TEAD4: variants seen among roughly 807,000 people sequenced by gnomAD.
TEAD4 encodes the protein transcriptional enhancer factor TEF-3.
A neutral mutation model predicts 52.4 loss-of-function variants in TEAD4; 36 were observed. That is an observed-to-expected ratio of 0.69 (90% confidence interval 0.53 to 0.91). TEAD4 has a LOEUF of 0.91. Ranked by LOEUF, TEAD4 falls within the 40% of genes least tolerant of loss-of-function variation. The pLI is 0.00. For missense variants in TEAD4, 508 were observed against 583.9 expected, an observed-to-expected ratio of 0.87 and a Z score of 1.34; for synonymous variants, 220 against 231.0, an observed-to-expected ratio of 0.95 and a Z score of 0.43.
rs373435603 is a variant in TEAD4, at chr12:3,000,173, A to C, written c.226+5181A>C. 9.8e-5 allele frequency among the ~76,000 whole-genome samples: 15 copies of C among 152,310 alleles called. No homozygotes were observed. The East Asian group carries it at 2.3e-3, about 24-fold the overall frequency. On this transcript the variant is annotated intron_variant, in intron 3 of 12. Coordinates refer to ENST00000359864, the MANE Select transcript of TEAD4 (RefSeq NM_003213.4). ...TGGACAGTTAGCCACCCAAGCAGAC[A>C]CTGGGGTTGTCCACAGCCGATATTA...
intron 10 of TEAD4, among the ~76,000 whole-genome samples, chr12:3,035,285 G>A (rs747340535): frequency 1.2e-4 from 18 of 152,266 alleles, no homozygotes; most frequent in Non-Finnish European, 2.4e-4. Context: ...GACCATGCGC[G>A]GTTAAAATCT....
At chr12:2,993,879 G>A (rs1309657750) in intron 2 of TEAD4, among the ~76,000 whole-genome samples, 1 of 152,210 alleles carries the variant, frequency 6.6e-6, no homozygotes, top group Non-Finnish European at 1.5e-5. Context: ...AGGTCCGTCT[G>A]TGCTGCAGCA....
chr12:3,040,104 C>A lies in TEAD4; in HGVS notation c.1039-3C>A, dbSNP rs1219560365. 6.2e-7 allele frequency: 1 copy of A among 1,613,906 alleles called. No individual in the cohort carries two copies. Among genetic ancestry groups the A allele is most frequent in the Non-Finnish European group, 8.5e-7 (1 of 1,179,914 alleles). The stretch of plus-strand genomic sequence containing the variant: ...AAGCCCCTGCTCTCCCCGGGTCCTG[C>A]AGACAGAGTATGCTCGCTATGAGAA... On this transcript the variant is annotated splice_polypyrimidine_tract_variant and splice_region_variant and intron_variant, in intron 11 of 12. Coordinates refer to ENST00000359864, the MANE Select transcript of TEAD4 (RefSeq NM_003213.4).
intron 2 of TEAD4, among the ~76,000 whole-genome samples, chr12:2,985,308 C>T (rs2098237249): frequency 6.6e-6 from 1 of 151,302 alleles, no homozygotes; most frequent in Admixed American, 6.6e-5. Flanking sequence ...TGGCATGAGC[C>T]TGGGAGGTGG....
chr12:2,974,126 C>T (rs1384119616), intron 2 of TEAD4, among the ~76,000 whole-genome samples: 2 of 152,084 alleles, frequency 1.3e-5, no homozygotes, highest in Non-Finnish European at 2.9e-5. Flanking sequence ...CTTAGCCTCC[C>T]GAGTAGCTGG....
chr12:2,995,551 C>G (rs1050108594), intron 3 of TEAD4, among the ~76,000 whole-genome samples: 1 of 152,050 alleles, frequency 6.6e-6, no homozygotes, highest in East Asian at 1.9e-4. Context: ...TAGGAAAGGC[C>G]CCCCCCAACC....
chr12:3,032,625 G>T (rs1213584922), intron 10 of TEAD4, among the ~76,000 whole-genome samples: 1 of 152,236 alleles, frequency 6.6e-6, no homozygotes, highest in African/African-American at 2.4e-5. Flanking sequence ...CAGGGGCTGT[G>T]TCGCTGAAGA....
At chr12:3,003,350 A>G (rs1653669789) in intron 3 of TEAD4, among the ~76,000 whole-genome samples, 1 of 152,142 alleles carries the variant, frequency 6.6e-6, no homozygotes, top group Admixed American at 6.5e-5. Context: ...TGCGTGCTTT[A>G]CTTACTCCAT....
chr12:2,971,405 G>A (rs910676228), intron 2 of TEAD4, among the ~76,000 whole-genome samples: 2 of 152,162 alleles, frequency 1.3e-5, no homozygotes, highest in Admixed American at 6.6e-5. Context: ...TTGTCATGAA[G>A]TGATGAGAGG....
At chr12:3,013,627 G>A (rs1037838129) in intron 5 of TEAD4, among the ~76,000 whole-genome samples, 4 of 152,250 alleles carry the variant, frequency 2.6e-5, no homozygotes, top group South Asian at 4.1e-4. Flanking sequence ...CCAGCTACTC[G>A]GGAGGCTGAG....
intron 5 of TEAD4, among the ~76,000 whole-genome samples, chr12:3,014,917 G>T (rs953642915): frequency 1.1e-4 from 17 of 152,228 alleles, no homozygotes; most frequent in African/African-American, 3.4e-4. Flanking sequence ...CTTCGGGCTC[G>T]CAAGGGTGCG....
intron 5 of TEAD4, among the ~76,000 whole-genome samples, chr12:3,016,016 A>C (rs148162114): frequency 1.7e-4 from 26 of 151,608 alleles, no homozygotes; most frequent in East Asian, 3.9e-4. Flanking sequence ...AAAAAATAAT[A>C]ATCATCATAA....
intron 2 of TEAD4, among the ~76,000 whole-genome samples, chr12:2,992,315 G>A (rs560606698): frequency 4.6e-5 from 7 of 151,980 alleles, no homozygotes; most frequent in East Asian, 1.9e-4. Flanking sequence ...CACTGCGCCC[G>A]GCTGGTTCCT....
chr12:2,992,416 G>A (rs2098243883), intron 2 of TEAD4, among the ~76,000 whole-genome samples: 1 of 152,052 alleles, frequency 6.6e-6, no homozygotes, highest in African/African-American at 2.4e-5. Flanking sequence ...CTCCTGGGAT[G>A]TGCCTCCCAC....
intron 7 of TEAD4, 84 bp downstream of exon 7, chr12:3,018,672 C>T (rs902520197): frequency 2.0e-5 from 31 of 1,581,786 alleles, no homozygotes; most frequent in Non-Finnish European, 2.6e-5. Context: ...AGCCTGGGCC[C>T]CAGGGTGTGC....
chr12:3,017,471 C>T lies in TEAD4; in HGVS notation c.428C>T (p.Ala143Val). ...TCTGCACAGATCATCTCCGCCACGGCCTTCCACAGTAGCATGGCCCTCGCC... is the reference window on the plus strand; with the variant it reads ...TCTGCACAGATCATCTCCGCCACGGTCTTCCACAGTAGCATGGCCCTCGCC... Residue 143 changes from alanine (A) to valine (V), a missense_variant, in exon 6 of 13, where the codon GCC (alanine) becomes GTC (valine). Ala to Val is a moderately conservative substitution (Grantham distance 64, BLOSUM62 0). Coordinates refer to ENST00000359864, the MANE Select transcript of TEAD4 (RefSeq NM_003213.4). The T allele has an allele frequency of 6.2e-7, 1 of 1,614,214 alleles. No homozygotes were observed. Among genetic ancestry groups the T allele is most frequent in the Non-Finnish European group, 8.5e-7 (1 of 1,180,048 alleles).
chr12:3,021,765 G>C (rs1158237955), intron 9 of TEAD4, 79 bp from the exon 10 acceptor site: 47 of 1,507,944 alleles, frequency 3.1e-5, no homozygotes, highest in Non-Finnish European at 4.1e-5. Flanking sequence ...CAGGTCACGT[G>C]GTGGGCACGC....
chr12:3,006,591 G>A (rs2098256100), intron 3 of TEAD4, among the ~76,000 whole-genome samples: 1 of 152,164 alleles, frequency 6.6e-6, no homozygotes, highest in Non-Finnish European at 1.5e-5. Flanking sequence ...GGCTGAGGCA[G>A]GAGAATCACT....
At chr12:2,966,770 G>C (rs766355571) in intron 2 of TEAD4, among the ~76,000 whole-genome samples, 1 of 151,464 alleles carries the variant, frequency 6.6e-6, no homozygotes, top group Non-Finnish European at 1.5e-5. Flanking sequence ...ACAGTGGTGC[G>C]ATCTCGGCTC....
Sources: allele counts gnomAD v4.1 joint callset (sites outside exome capture counted in the v4.1 genomes callset), GRCh38; gene constraint gnomAD v4.1.1; transcripts MANE v1.5; gene names NCBI Gene and HGNC (gene_info 2026-07-23, HGNC 2026-07-21).